The following NCOA1 variants were observed in gnomAD, a reference collection of about 807,000 sequenced individuals.
NCOA1 encodes the protein nuclear receptor coactivator 1, also known as Hin-2 protein.
NCOA1 carries 35 observed loss-of-function variants against 150.9 expected under a neutral mutation model. The observed-to-expected ratio is 0.23, with a 90% CI of 0.18 to 0.31. NCOA1 has a LOEUF of 0.31. NCOA1 is among the 10% of genes least tolerant of loss of function. The pLI is 1.00. For missense variants in NCOA1, 1,491 were observed against 1,749.3 expected, an observed-to-expected ratio of 0.85 and a Z score of 2.63; for synonymous variants, 590 against 630.0, an observed-to-expected ratio of 0.94 and a Z score of 0.95.
At chr2:24,547,095 C>T (rs553844118) in intron 1 of NCOA1, among the ~76,000 whole-genome samples, 9 of 152,238 alleles carry the variant, frequency 5.9e-5, no homozygotes, top group Admixed American at 4.6e-4. Context: ...TAATCAATGG[C>T]GGCCAAGTTT....
chr2:24,572,923 A>G (rs948848213), intron 2 of NCOA1, among the ~76,000 whole-genome samples: 3 of 152,188 alleles, frequency 2.0e-5, no homozygotes, highest in Admixed American at 1.3e-4. Flanking sequence ...AAGAGATAAA[A>G]CATATTTTTT....
At chr2:24,617,318 C>G (rs940976584) in intron 3 of NCOA1, among the ~76,000 whole-genome samples, 1 of 152,074 alleles carries the variant, frequency 6.6e-6, no homozygotes, top group African/African-American at 2.4e-5. Context: ...GTACAAAAAT[C>G]CTTCTCGAAA....
intron 1 of NCOA1, among the ~76,000 whole-genome samples, chr2:24,555,177 ATT>A (rs1233281334): frequency 6.6e-6 from 1 of 152,168 alleles, no homozygotes; most frequent in Non-Finnish European, 1.5e-5. Context: ...TTTTCACTCA[ATT>A]AAAAGTATTT....
At chr2:24,700,865 G>A (rs1464700239) in intron 11 of NCOA1, among the ~76,000 whole-genome samples, 12 of 152,268 alleles carry the variant, frequency 7.9e-5, no homozygotes, top group Non-Finnish European at 1.3e-4. Flanking sequence ...TTACAGAGAA[G>A]TTTGTAAACT....
intron 8 of NCOA1, among the ~76,000 whole-genome samples, chr2:24,686,845 ATTG>A (rs969506874): frequency 1.3e-5 from 2 of 152,182 alleles, no homozygotes; most frequent in African/African-American, 4.8e-5. Context: ...GCTGTTAATT[ATTG>A]TTGTTGTTTT....
intron 3 of NCOA1, among the ~76,000 whole-genome samples, chr2:24,591,303 A>G (rs1667647921): frequency 6.6e-6 from 1 of 152,212 alleles, no homozygotes; most frequent in African/African-American, 2.4e-5. Context: ...GGTAAGCAGT[A>G]TATATGGTTG....
At chr2:24,537,408 G>T (rs567451284) in intron 1 of NCOA1, among the ~76,000 whole-genome samples, 1 of 151,984 alleles carries the variant, frequency 6.6e-6, no homozygotes, top group Non-Finnish European at 1.5e-5. Flanking sequence ...TTATATGTGG[G>T]AGATTATATA....
intron 19 of NCOA1, among the ~76,000 whole-genome samples, chr2:24,743,495 G>A (rs1663715326): frequency 6.6e-6 from 1 of 152,166 alleles, no homozygotes; most frequent in South Asian, 2.1e-4. Flanking sequence ...GTCATCTTTG[G>A]CTGGTTTATA....
At chr2:24,503,857 C>A (rs1663574348) in intron 1 of NCOA1, among the ~76,000 whole-genome samples, 1 of 151,866 alleles carries the variant, frequency 6.6e-6, no homozygotes, top group Non-Finnish European at 1.5e-5. Context: ...GTCTCAGCCT[C>A]CCGAGTAGCT....
At chr2:24,602,576 C>A (rs1307243118) in intron 3 of NCOA1, among the ~76,000 whole-genome samples, 1 of 151,880 alleles carries the variant, frequency 6.6e-6, no homozygotes, top group Admixed American at 6.6e-5. Context: ...TTGAATATTT[C>A]TTTAGGTAAT....
At chr2:24,699,566 G>GA (rs981204490) in intron 11 of NCOA1, among the ~76,000 whole-genome samples, 57 of 151,668 alleles carry the variant, frequency 3.8e-4, no homozygotes, top group African/African-American at 1.3e-3. Context: ...TTTTTTTAGG[G>GA]AAAAAAAATC....
intron 3 of NCOA1, among the ~76,000 whole-genome samples, chr2:24,642,038 G>GTGTGTGTGCGCA (rs58911869): frequency 1.2e-5 from 1 of 81,078 alleles, no homozygotes; most frequent in Non-Finnish European, 3.1e-5. Context: ...GTGTGTGTGT[G>GTGTGTGTGCGCA]CGCGCGTGCG....
At chr2:24,734,136 C>G (rs1254963313) in intron 17 of NCOA1, among the ~76,000 whole-genome samples, 1 of 148,150 alleles carries the variant, frequency 6.7e-6, no homozygotes, top group Non-Finnish European at 1.5e-5. Flanking sequence ...AAGATTGTGC[C>G]ATTGCACTCC....
chr2:24,611,132 T>A (rs1023487519), intron 3 of NCOA1, among the ~76,000 whole-genome samples: 6 of 152,258 alleles, frequency 3.9e-5, no homozygotes, highest in Admixed American at 3.3e-4. Context: ...TTAGTCCCAG[T>A]GTCTATTGTT....
At chr2:24,620,006 C>T (rs901604020) in intron 3 of NCOA1, among the ~76,000 whole-genome samples, 5 of 152,054 alleles carry the variant, frequency 3.3e-5, no homozygotes, top group Admixed American at 2.0e-4. Context: ...CCTTCTCTCC[C>T]CAAAACAGCC....
At chr2:24,732,479 C>A (rs1663067520) in intron 17 of NCOA1, among the ~76,000 whole-genome samples, 2 of 152,192 alleles carry the variant, frequency 1.3e-5, no homozygotes, top group South Asian at 4.1e-4. Flanking sequence ...CTTACTGTTT[C>A]AGCACTAGGT....
rs951460480 is a variant in NCOA1, at chr2:24,729,606, C to G, written c.2992C>G (p.Pro998Ala). The G allele has an allele frequency of 1.9e-6, 3 of 1,614,052 alleles. No individual in the cohort carries two copies. Among genetic ancestry groups the G allele is most frequent in the Admixed American group, 3.3e-5 (2 of 60,006 alleles). ...CCTTTATTCCCAGCCTTACTCTTCT[C>G]CTTCTCCTACTGCCAATCTCCCTAG... ...PNLYSQPYSSPSPTANLPSPF... is the reference protein window; with the variant it reads ...PNLYSQPYSSASPTANLPSPF... Residue 998 changes from proline to alanine, a missense_variant, in exon 17 of 23, where the codon CCT becomes GCT. Physicochemically the swap from Pro to Ala is conservative, Grantham distance 27. Transcript: ENST00000348332.
rs759304205 is a variant in NCOA1, at chr2:24,726,582, A to C, written c.2600-7A>C. 3.2e-6 allele frequency: 5 copies of C among 1,584,940 alleles called. No individual in the cohort carries two copies. The South Asian group carries it at 4.5e-5, about 14-fold the overall frequency. ...TAATGACTTCTTACCTTTTCTTCTT[A>C]AATCAGGATTACCTGAGCTGGAATT... On this transcript the variant is annotated splice_polypyrimidine_tract_variant and splice_region_variant and intron_variant, in intron 14 of 22. Transcript: ENST00000348332.
rs376673307 is a variant in NCOA1 at position 24,710,965 on chromosome 2, T to C, written c.2453T>C (p.Leu818Pro). 166 of 1,614,064 alleles carry C rather than the reference T, an allele frequency of 1.0e-4. No individual in the cohort carries two copies. Among genetic ancestry groups the C allele is most frequent in the Non-Finnish European group, 1.4e-4 (165 of 1,180,016 alleles). ...GACCTTGACCAGTTTGATCAGTTAC[T>C]GCCCACGCTGGAGAAGGCAGCACAG... is the stretch of plus-strand genomic sequence containing the variant. ...TADLDQFDQL[L>P]PTLEKAAQLP... The change falls in exon 14 of 23, where the codon CTG becomes CCG. Residue 818 changes from leucine (L) to proline (P), a missense_variant. Leu to Pro is a moderately conservative substitution (Grantham distance 98, BLOSUM62 -3). Around this residue, in one of 8 missense-constraint regions of NCOA1, gnomAD observed 703 missense variants for 717.7 expected, o/e 0.98. Transcript: ENST00000348332.
Sources: gnomAD v4.1 joint callset for allele counts (sites outside exome capture counted in the v4.1 genomes callset) on GRCh38, gnomAD v4.1.1 for gene constraint, gnomAD v4.1.1 regional missense constraint, MANE v1.5 for transcripts, NCBI Gene and HGNC (gene_info 2026-07-23, HGNC 2026-07-21) for gene names.